EYS: variants seen among roughly 807,000 people sequenced by gnomAD.
EYS encodes the protein EGF-like photoreceptor maintenance factor, also known as protein eyes shut homolog.
Under a neutral mutation model 282.1 loss-of-function variants are expected in EYS, and 250 were observed. That is an observed-to-expected ratio of 0.89 (90% CI 0.80 to 0.98). EYS has a LOEUF of 0.98. Ranked by LOEUF, EYS falls within the 50% of genes least tolerant of loss-of-function variation. EYS has a pLI of 0.00. For missense variants in EYS, 4,016 were observed against 3,709.0 expected (o/e 1.08, Z -2.15); for synonymous variants, 1,355 against 1,282.9 (o/e 1.06, Z -1.20).
chr6:65,495,868 T>C lies in EYS; in HGVS notation c.-207A>G, dbSNP rs370140172. ...TAAGCCAGCAACTTACTGCGGTCTT[T>C]TGTGTTTTCTCTTTACACCAAGCTT... On this transcript the variant is annotated 5_prime_UTR_variant, in exon 3 of 43. Coordinates refer to ENST00000503581, the MANE Select transcript of EYS (RefSeq NM_001142800.2). 5.7e-4 allele frequency: 99 copies of C among 172,510 alleles called. 2 individuals are homozygous for C. The East Asian group carries it at 0.01, about 18-fold the overall frequency. 10.7% of individuals were successfully genotyped at this position (172,510 alleles called of 1,614,324 possible).
At chr6:64,539,735 A>C (rs1252761917) in intron 26 of EYS, among the ~76,000 whole-genome samples, 1 of 152,190 alleles carries the variant, frequency 6.6e-6, no homozygotes, top group Non-Finnish European at 1.5e-5. Context: ...ATTTGATTTG[A>C]ATTGGCATGT....
intron 12 of EYS, among the ~76,000 whole-genome samples, chr6:65,095,386 T>G (rs1774710368): frequency 6.6e-6 from 1 of 150,934 alleles, no homozygotes; most frequent in Non-Finnish European, 1.5e-5. Context: ...GATTGAAAGT[T>G]GCTAAGATAA....
At chr6:64,697,097 T>A (rs1047989337) in intron 22 of EYS, among the ~76,000 whole-genome samples, 21 of 152,100 alleles carry the variant, frequency 1.4e-4, no homozygotes, top group Non-Finnish European at 1.0e-4. Flanking sequence ...ATGCTCCACT[T>A]AAAAATATAG....
chr6:64,861,589 A>G (rs1450705171), intron 19 of EYS, among the ~76,000 whole-genome samples: 1 of 152,144 alleles, frequency 6.6e-6, no homozygotes, highest in Non-Finnish European at 1.5e-5. Flanking sequence ...TGAGGAAGGC[A>G]AGGCTTCCAC....
In EYS at chr6:63,873,304, C is replaced by T. The variant is rs569840922; in HGVS notation, c.7056-8946G>A. 7.6e-4 allele frequency among the ~76,000 whole-genome samples: 116 copies of T among 152,258 alleles called. 1 individual carries two copies. The highest frequency in any genetic ancestry group is 7.4e-3 in the Admixed American group (113 of 15,296). On this transcript the variant is annotated intron_variant, in intron 35 of 42. Coordinates refer to ENST00000503581, the MANE Select transcript of EYS (RefSeq NM_001142800.2). The stretch of plus-strand genomic sequence containing the variant: ...TGCTGAGAATGATGATTTCCAGCTT[C>T]ATCCATGTCCCTACAAAGGACATGA...
intron 11 of EYS, among the ~76,000 whole-genome samples, chr6:65,325,585 C>T (rs1231821197): frequency 6.6e-6 from 1 of 152,022 alleles, no homozygotes. Context: ...CACTCAGATT[C>T]AAAAGGTAGA....
intron 11 of EYS, among the ~76,000 whole-genome samples, chr6:65,316,523 T>C (rs1036928410): frequency 2.7e-5 from 4 of 150,538 alleles, no homozygotes; most frequent in Middle Eastern, 3.2e-3. Context: ...GATATATGTG[T>C]AGAACATACA....
intron 12 of EYS, among the ~76,000 whole-genome samples, chr6:65,211,933 G>C (rs1766186099): frequency 6.6e-6 from 1 of 151,980 alleles, no homozygotes; most frequent in African/African-American, 2.4e-5. Flanking sequence ...TCTTTTGGGT[G>C]AGGTAAAGGC....
At chr6:65,236,956 T>G (rs1183938466) in intron 12 of EYS, among the ~76,000 whole-genome samples, 2 of 152,190 alleles carry the variant, frequency 1.3e-5, no homozygotes, top group Non-Finnish European at 2.9e-5. Context: ...AAAATGAATA[T>G]ACTGAAAATG....
intron 28 of EYS, among the ~76,000 whole-genome samples, chr6:64,415,056 G>T (rs1031267278): frequency 6.6e-6 from 1 of 152,064 alleles, no homozygotes; most frequent in Non-Finnish European, 1.5e-5. Flanking sequence ...GTGCAAAAAT[G>T]CAACAAACAC....
chr6:65,066,964 GAGAAAGGT>G lies in EYS; in HGVS notation c.2024-9245_2024-9238del, dbSNP rs1252777721. ...TTATTATTCCTGAAACGACAGAGGA[GAGAAAGGT>G]CATGGTCTTTTACTAATTCTACTTC... On this transcript the variant is annotated intron_variant, in intron 12 of 42. Coordinates refer to ENST00000503581, the MANE Select transcript of EYS (RefSeq NM_001142800.2). Among the ~76,000 whole-genome samples the G allele has an allele frequency of 2.6e-5, 4 of 152,140 alleles. No homozygotes were observed. In the South Asian group the frequency reaches 6.2e-4, roughly 24 times the overall value.
intron 29 of EYS, among the ~76,000 whole-genome samples, chr6:64,373,012 G>T (rs565068623): frequency 6.6e-6 from 1 of 152,226 alleles, no homozygotes; most frequent in African/African-American, 2.4e-5. Context: ...ACTCTCTCCT[G>T]TATGTTGATA....
chr6:64,065,788 AT>A (rs1313489800), intron 33 of EYS, among the ~76,000 whole-genome samples: 1 of 152,204 alleles, frequency 6.6e-6, no homozygotes, highest in Non-Finnish European at 1.5e-5. Context: ...TCTGTGTGCA[AT>A]TTGATTCCCA....
At chr6:64,950,831 AT>A (rs1562272780) in intron 14 of EYS, among the ~76,000 whole-genome samples, 19 of 114,162 alleles carry the variant, frequency 1.7e-4, no homozygotes, top group Non-Finnish European at 3.0e-4. Context: ...ATATATATAT[AT>A]ATTGTTGAAT....
At chr6:65,046,577 T>C (rs1395106691) in intron 13 of EYS, among the ~76,000 whole-genome samples, 1 of 151,914 alleles carries the variant, frequency 6.6e-6, no homozygotes. Context: ...TCCCAAATTC[T>C]TCATTCAAGA....
intron 1 of EYS, among the ~76,000 whole-genome samples, chr6:65,687,125 GA>G (rs1269954586): frequency 1.3e-5 from 2 of 151,938 alleles, no homozygotes; most frequent in Non-Finnish European, 2.9e-5. Flanking sequence ...TTGTGTTTTT[GA>G]AACCAAGAAA....
At chr6:64,640,072 G>C (rs1400723543) in intron 22 of EYS, among the ~76,000 whole-genome samples, 1 of 143,640 alleles carries the variant, frequency 7.0e-6, no homozygotes, top group Non-Finnish European at 1.5e-5. Context: ...AACAACAGGT[G>C]CTAGAGAGGA....
chr6:64,541,123 T>G (rs1231053706), intron 26 of EYS, among the ~76,000 whole-genome samples: 1 of 152,220 alleles, frequency 6.6e-6, no homozygotes, highest in Non-Finnish European at 1.5e-5. Context: ...TTTTGCCCAT[T>G]GATCAAGCCT....
At chr6:64,202,715 C>T (rs1270483077) in intron 31 of EYS, among the ~76,000 whole-genome samples, 1 of 152,120 alleles carries the variant, frequency 6.6e-6, no homozygotes, top group East Asian at 1.9e-4. Context: ...GATCATCCTC[C>T]ATGAGAGTAG....
Sources: allele counts gnomAD v4.1 joint callset (sites outside exome capture counted in the v4.1 genomes callset), GRCh38; gene constraint gnomAD v4.1.1; transcripts MANE v1.5; gene names NCBI Gene and HGNC (gene_info 2026-07-23, HGNC 2026-07-21).